CDK6: variants seen among roughly 807,000 people sequenced by gnomAD.
The protein encoded by CDK6 is cyclin-dependent kinase 6.
CDK6 carries 6 observed loss-of-function variants against 37.1 expected under a neutral mutation model. The ratio of observed to expected loss-of-function variants is 0.16; its 90% CI spans 0.09 to 0.32. The LOEUF (loss-of-function observed/expected upper bound fraction) is 0.32. Ranked by LOEUF, CDK6 falls within the 10% of genes least tolerant of loss-of-function variation. The probability of loss-of-function intolerance (pLI) is 1.00; values close to 1 mark genes in which losing one functional copy is unlikely to be tolerated. For missense variants in CDK6, 224 were observed against 418.9 expected, an observed-to-expected ratio of 0.53 and a Z score of 4.06; for synonymous variants, 160 against 161.3, an observed-to-expected ratio of 0.99 and a Z score of 0.06.
intron 4 of CDK6, among the ~76,000 whole-genome samples, chr7:92,716,887 T>C (rs1585423972): frequency 6.6e-6 from 1 of 152,144 alleles, no homozygotes; most frequent in Admixed American, 6.5e-5. Context: ...AAATGTTAAA[T>C]GTAGGAGGCA....
intron 2 of CDK6, among the ~76,000 whole-genome samples, chr7:92,814,357 G>A (rs1800968168): frequency 6.6e-6 from 1 of 152,122 alleles, no homozygotes; most frequent in Non-Finnish European, 1.5e-5. Context: ...TATCTCATGT[G>A]ATCCCAATAT....
At chr7:92,691,379 CAAT>C (rs1303550398) in intron 4 of CDK6, among the ~76,000 whole-genome samples, 1 of 152,168 alleles carries the variant, frequency 6.6e-6, no homozygotes, top group Non-Finnish European at 1.5e-5. Context: ...AGTACACACA[CAAT>C]GTCTATGTAC....
intron 5 of CDK6, among the ~76,000 whole-genome samples, chr7:92,642,897 T>TC (rs1180277614): frequency 2.2e-5 from 3 of 134,346 alleles, no homozygotes; most frequent in Admixed American, 1.5e-4. Context: ...AAAAAAGAAT[T>TC]TTTTTTTTTT....
chr7:92,773,547 G>C (rs1799771732), intron 3 of CDK6, among the ~76,000 whole-genome samples: 1 of 152,148 alleles, frequency 6.6e-6, no homozygotes, highest in Non-Finnish European at 1.5e-5. Context: ...GAATGCCAGA[G>C]GAAAGAGGGG....
At chr7:92,730,856 A>G (rs890244050) in intron 3 of CDK6, among the ~76,000 whole-genome samples, 1 of 152,152 alleles carries the variant, frequency 6.6e-6, no homozygotes, top group Non-Finnish European at 1.5e-5. Flanking sequence ...GTGTAGAATG[A>G]TCTCTTTGTG....
At chr7:92,631,977 A>G (rs1296363022) in intron 5 of CDK6, among the ~76,000 whole-genome samples, 3 of 152,210 alleles carry the variant, frequency 2.0e-5, no homozygotes, top group African/African-American at 7.2e-5. Context: ...AGACATTTCA[A>G]CAGCAAATAC....
chr7:92,666,419 T>G (rs906311044), intron 5 of CDK6, among the ~76,000 whole-genome samples: 1 of 152,240 alleles, frequency 6.6e-6, no homozygotes, highest in East Asian at 1.9e-4. Flanking sequence ...GTTATAGGGT[T>G]TCCAACATGT....
At chr7:92,740,536 C>T (rs1798896174) in intron 3 of CDK6, among the ~76,000 whole-genome samples, 1 of 152,142 alleles carries the variant, frequency 6.6e-6, no homozygotes, top group Non-Finnish European at 1.5e-5. Context: ...AGATTACAGC[C>T]TCCTGATGCT....
At position 92,835,465 on chromosome 7, in the gene CDK6, C is replaced by T. The variant is rs539017012; in HGVS notation, c.-368+1013G>A. Among the ~76,000 whole-genome samples the T allele has an allele frequency of 5.3e-5, 8 of 152,254 alleles. No individual in the cohort carries two copies. In the East Asian group the frequency reaches 5.8e-4, roughly 11 times the overall value. On this transcript the variant is annotated intron_variant, in intron 1 of 7. Transcript: ENST00000424848. This position sits in a 1 kb window ranked among gnomAD's most constrained non-coding sequence, Gnocchi z 4.2. ...GGGAGCAGCAATGCCTTTTCCCCCC[C>T]TCTCCTCCACTTTTTTTTGTTGTTG... is the stretch of plus-strand genomic sequence containing the variant.
chr7:92,666,266 A>C (rs1042224447), intron 5 of CDK6, among the ~76,000 whole-genome samples: 1 of 152,198 alleles, frequency 6.6e-6, no homozygotes, highest in African/African-American at 2.4e-5. Context: ...ACTTCTTCAC[A>C]GCATTTATCC....
At chr7:92,704,827 G>A (rs1275417974) in intron 4 of CDK6, among the ~76,000 whole-genome samples, 2 of 152,122 alleles carry the variant, frequency 1.3e-5, no homozygotes, top group African/African-American at 4.8e-5. Context: ...CACATGTGCA[G>A]GAATTTCTCT....
chr7:92,615,241 C>A lies in CDK6; in HGVS notation c.880G>T (p.Ala294Ser), dbSNP rs1309400161. 1 of 1,614,078 alleles carries A rather than the reference C, an allele frequency of 6.2e-7. No homozygotes were observed. Among genetic ancestry groups the A allele is most frequent in the East Asian group, 2.2e-5 (1 of 44,884 alleles). ...TCCTGGAAGTATGGGTGAGACAGGG[C>A]ACTGTAGGCAGATATTCTTTTGGCT... ...NPAKRISAYS[A>S]LSHPYFQDLE... is the part of the protein sequence containing the mutation. Residue 294 changes from alanine to serine, a missense_variant, in exon 8 of 8, where the codon GCC becomes TCC. Ala to Ser is a moderately conservative substitution (Grantham distance 99). Coordinates refer to ENST00000424848, the MANE Select transcript of CDK6 (RefSeq NM_001145306.2).
chr7:92,771,987 G>C (rs772774480), intron 3 of CDK6, among the ~76,000 whole-genome samples: 5 of 152,068 alleles, frequency 3.3e-5, no homozygotes, highest in Non-Finnish European at 7.4e-5. Flanking sequence ...TTAAAAACAA[G>C]TCAATCACAG....
At position 92,684,577 on chromosome 7, in the gene CDK6, G is replaced by T. The variant is rs116775650; in HGVS notation, c.538-13042C>A. On this transcript the variant is annotated intron_variant, in intron 4 of 7. Coordinates refer to ENST00000424848, the MANE Select transcript of CDK6 (RefSeq NM_001145306.2). ...ATGCTGTTCCCTAGATCCCTTCCCT[G>T]AAGACCAGGCATCACCCTTCCTCCC... Among the ~76,000 whole-genome samples the T allele has an allele frequency of 3.1e-3, 465 of 152,206 alleles. 1 individual carries two copies. Among genetic ancestry groups the T allele is most frequent in the African/African-American group, 0.011 (444 of 41,516 alleles).
chr7:92,765,932 C>T (rs1799568691), intron 3 of CDK6, among the ~76,000 whole-genome samples: 1 of 151,922 alleles, frequency 6.6e-6, no homozygotes, highest in African/African-American at 2.4e-5. Context: ...TGGAGCATTC[C>T]AAACAGATGA....
chr7:92,621,350 A>G (rs1795801658), intron 6 of CDK6, among the ~76,000 whole-genome samples: 1 of 152,238 alleles, frequency 6.6e-6, no homozygotes, highest in Non-Finnish European at 1.5e-5. Flanking sequence ...GACTTTGCCA[A>G]AAGCAGAACT....
chr7:92,721,723 T>C (rs1274184037), intron 4 of CDK6, among the ~76,000 whole-genome samples: 1 of 152,210 alleles, frequency 6.6e-6, no homozygotes, highest in Non-Finnish European at 1.5e-5. Context: ...CGATGTTGCA[T>C]ACCACCTACA....
At chr7:92,794,345 T>C (rs994261441) in intron 2 of CDK6, among the ~76,000 whole-genome samples, 3 of 152,132 alleles carry the variant, frequency 2.0e-5, no homozygotes, top group African/African-American at 4.8e-5. Flanking sequence ...CTAAAGACTG[T>C]AAATGAGAGA....
intron 4 of CDK6, among the ~76,000 whole-genome samples, chr7:92,673,734 TGG>T (rs1797141080): frequency 6.6e-6 from 1 of 152,160 alleles, no homozygotes; most frequent in Non-Finnish European, 1.5e-5. Flanking sequence ...AGACTTTCTG[TGG>T]GCTGAACTTT....
Sources: gnomAD v4.1 joint callset for allele counts (sites outside exome capture counted in the v4.1 genomes callset) on GRCh38, gnomAD v4.1.1 for gene constraint, Gnocchi (gnomAD v3.1) non-coding constraint, MANE v1.5 for transcripts, NCBI Gene and HGNC (gene_info 2026-07-23, HGNC 2026-07-21) for gene names.